CYP4F11: variants seen among roughly 807,000 people sequenced by gnomAD.
CYP4F11 encodes cytochrome P450 4F11.
A neutral mutation model predicts 62.2 loss-of-function variants in CYP4F11; 79 were observed. That is an observed-to-expected ratio of 1.27 (90% CI 1.06 to 1.53). The LOEUF is 1.53. CYP4F11 is among the 40% of genes most tolerant of loss of function. CYP4F11 has a pLI of 0.00. For missense variants in CYP4F11, 777 were observed against 680.5 expected (o/e 1.14, Z -1.58); for synonymous variants, 290 against 263.7 (o/e 1.10, Z -0.97).
intron 1 of CYP4F11, among the ~76,000 whole-genome samples, chr19:15,931,379 G>A (rs535862989): frequency 2.2e-4 from 33 of 151,988 alleles, no homozygotes; most frequent in Non-Finnish European, 4.4e-4. Context: ...AGGTGCAAAT[G>A]CCAGGAGATC....
chr19:15,929,576 T>C lies in CYP4F11; in HGVS notation c.224A>G (p.Lys75Arg), dbSNP rs1433390895. 1 of 1,610,024 alleles carries C rather than the reference T, an allele frequency of 6.2e-7. No homozygotes were observed. The highest frequency in any genetic ancestry group is 1.1e-5 in the South Asian group (1 of 90,600). Residue 75 changes from lysine (K) to arginine (R), a missense_variant, in exon 2 of 12, where the codon AAG becomes AGG. By Grantham distance (26) the Lys-to-Arg change is conservative. Transcript: ENST00000402119. Reference sequence around the variant, plus strand: ...TGTGGTCACCAGCTGGGTCAATGTCTTCATGCCCTCTTCCGTGGGAGTGAC... The same window carrying C: ...TGTGGTCACCAGCTGGGTCAATGTCCTCATGCCCTCTTCCGTGGGAGTGAC... ...GLVTPTEEGMKTLTQLVTTYP... is the reference protein window; with the variant it reads ...GLVTPTEEGMRTLTQLVTTYP...
At chr19:15,921,077 T>TCTCTCTCTCTCTCTCTCTCTCC in intron 8 of CYP4F11, among the ~76,000 whole-genome samples, 1 of 18,580 alleles carries the variant, frequency 5.4e-5, no homozygotes, top group African/African-American at 1.7e-4. Flanking sequence ...TCTCTCTCTC[T>TCTCTCTCTCTCTCTCTCTCTCC]CTCTCTCTCT....
At chr19:15,934,761 T>A (rs899266717), upstream of CYP4F11, 1 of 227,618 alleles carries the variant, frequency 4.4e-6, no homozygotes, top group African/African-American at 2.4e-5. Context: ...CCCCTCCCCA[T>A]CCCAGGCCAG....
chr19:15,915,123 ACT>A (rs1448933471), intron 8 of CYP4F11, among the ~76,000 whole-genome samples: 3 of 152,136 alleles, frequency 2.0e-5, no homozygotes, highest in Non-Finnish European at 4.4e-5. Context: ...AAAACACAAC[ACT>A]CTGAAGCCAG....
In CYP4F11 at chr19:15,924,804, T is replaced by A. The variant is rs922424053; in HGVS notation, c.604A>T (p.Ser202Cys). ...FEHISLMTLDSLQKCVFSFES... is the reference protein window; with the variant it reads ...FEHISLMTLDCLQKCVFSFES... ...AAGCTGAAGACACATTTCTGCAGAC[T>A]GTCCAAGGTCATGAGGCTGATGTGT... Residue 202 changes from serine (S) to cysteine (C), a missense_variant, in exon 5 of 12, where the codon AGT becomes TGT. By Grantham distance (112) the Ser-to-Cys change is moderately radical. Coordinates refer to ENST00000402119, the MANE Select transcript of CYP4F11 (RefSeq NM_021187.4). 6.2e-7 allele frequency: 1 copy of A among 1,612,898 alleles called. No individual in the cohort carries two copies. The highest frequency in any genetic ancestry group is 1.1e-5 in the South Asian group (1 of 91,070).
chr19:15,929,197 C>T (rs369227457), intron 2 of CYP4F11, among the ~76,000 whole-genome samples: 3 of 152,174 alleles, frequency 2.0e-5, no homozygotes, highest in Non-Finnish European at 2.9e-5. Context: ...GGGGCTTTCT[C>T]GAGGACAGGG....
intron 8 of CYP4F11, among the ~76,000 whole-genome samples, chr19:15,920,559 T>C (rs2089617916): frequency 1.3e-5 from 2 of 152,228 alleles, no homozygotes; most frequent in South Asian, 4.1e-4. Context: ...CAGGACCCTG[T>C]GCTGAGCAAA....
intron 10 of CYP4F11, 26 bp from the exon 11 acceptor site, chr19:15,914,413 C>G (rs1320893991): frequency 6.2e-7 from 1 of 1,608,634 alleles, no homozygotes; most frequent in South Asian, 1.1e-5. Context: ...AGAAGGCTTG[C>G]TGGGTGGGGT....
At chr19:15,919,516 A>ATAGG (rs1372062041) in intron 8 of CYP4F11, among the ~76,000 whole-genome samples, 3 of 138,636 alleles carry the variant, frequency 2.2e-5, no homozygotes, top group South Asian at 2.6e-4. Flanking sequence ...AGATAGATAG[A>ATAGG]TAGATAGACA....
rs371072501 is a variant in CYP4F11, at chr19:15,929,417, T to C, written c.343+40A>G. 16 of 1,613,266 alleles carry C rather than the reference T, an allele frequency of 9.9e-6. No individual in the cohort carries two copies. The African/African-American group carries it at 1.2e-4, about 12-fold the overall frequency. On this transcript the variant is annotated intron_variant, in intron 2 of 11. Coordinates refer to ENST00000402119, the MANE Select transcript of CYP4F11 (RefSeq NM_021187.4). ...AGGGGAGAGGCTAGAAGGCCTTTGATGTTTCCCAGCCCCCACTACCACAAG... is the reference window on the plus strand; with the variant it reads ...AGGGGAGAGGCTAGAAGGCCTTTGACGTTTCCCAGCCCCCACTACCACAAG...
intron 6 of CYP4F11, among the ~76,000 whole-genome samples, chr19:15,923,037 G>C (rs2089640784): frequency 6.6e-6 from 1 of 152,140 alleles, no homozygotes; most frequent in Non-Finnish European, 1.5e-5. Context: ...GGCAACAAGA[G>C]TGAAACTCTG....
intron 1 of CYP4F11, among the ~76,000 whole-genome samples, 145 bp downstream of exon 1, chr19:15,934,047 GAGGAATGAGTGAGTGGGCA>G: frequency 7.1e-6 from 1 of 140,212 alleles, no homozygotes; most frequent in Non-Finnish European, 1.6e-5. Flanking sequence ...TGAGCGGGGA[GAGGAATGAGTGAGTGGGCA>G]GAGGAATGAG....
chr19:15,931,060 G>A (rs938622498), intron 1 of CYP4F11, among the ~76,000 whole-genome samples: 5 of 152,176 alleles, frequency 3.3e-5, no homozygotes, highest in South Asian at 4.1e-4. Context: ...CAAGGTCTGC[G>A]GAGTCAAGGA....
At position 15,934,357 on chromosome 19, in the gene CYP4F11, G is replaced by C; in HGVS notation, c.52C>G (p.Pro18Ala). ...WLGLGPVAASPWLLLLLVGGS... is the reference protein window; with the variant it reads ...WLGLGPVAASAWLLLLLVGGS... ...CCAACCAGCAGCAGAAGCAGCCACG[G>C]GGATGCTGCCACGGGCCCGAGGCCC... Residue 18 changes from proline to alanine, a missense_variant, in exon 1 of 12, where the codon CCG (proline) becomes GCG (alanine). Transcript: ENST00000402119. The C allele has an allele frequency of 6.2e-7, 1 of 1,613,304 alleles. No homozygotes were observed.
At chr19:15,926,059 G>T (rs1052896257) in intron 4 of CYP4F11, among the ~76,000 whole-genome samples, 2 of 151,688 alleles carry the variant, frequency 1.3e-5, no homozygotes, top group Non-Finnish European at 2.9e-5. Context: ...AGCTACTCAG[G>T]AGGCTGATGC....
chr19:15,919,513 T>TAGATAGAC (rs2089609322), intron 8 of CYP4F11, among the ~76,000 whole-genome samples: 1 of 149,472 alleles, frequency 6.7e-6, no homozygotes, highest in South Asian at 2.1e-4. Flanking sequence ...GATAGATAGA[T>TAGATAGAC]AGATAGATAG....
intron 4 of CYP4F11, among the ~76,000 whole-genome samples, chr19:15,925,449 C>T (rs745572415): frequency 3.4e-4 from 52 of 151,978 alleles, no homozygotes; most frequent in Non-Finnish European, 5.9e-4. Context: ...ATCTCCATTG[C>T]TATAAATTCA....
intron 8 of CYP4F11, among the ~76,000 whole-genome samples, chr19:15,916,102 T>C (rs574740387): frequency 6.6e-6 from 1 of 152,270 alleles, no homozygotes; most frequent in South Asian, 2.1e-4. Context: ...TTTTAAGCTC[T>C]ATTAAAAGCT....
At chr19:15,918,115 A>G (rs181664055) in intron 8 of CYP4F11, among the ~76,000 whole-genome samples, 60 of 152,338 alleles carry the variant, frequency 3.9e-4, no homozygotes, top group Admixed American at 1.6e-3. Context: ...CATAAAAATG[A>G]ACAAGATCAT....
Sources: gnomAD v4.1 joint callset for allele counts (sites outside exome capture counted in the v4.1 genomes callset) on GRCh38, gnomAD v4.1.1 for gene constraint, MANE v1.5 for transcripts, NCBI Gene and HGNC (gene_info 2026-07-23, HGNC 2026-07-21) for gene names.